The following GIP variants were observed in gnomAD, a reference collection of about 807,000 sequenced individuals.
GIP encodes the protein gastric inhibitory polypeptide, also known as glucose-dependent insulinotropic polypeptide.
Under a neutral mutation model 18.1 loss-of-function variants are expected in GIP, and 16 were observed. The ratio of observed to expected loss-of-function variants is 0.88; its 90% CI spans 0.60 to 1.34. GIP has a LOEUF of 1.34. Ranked by LOEUF, GIP falls within the 40% of genes most tolerant of loss-of-function variation. The pLI, the probability that GIP is intolerant of heterozygous loss-of-function variation, is 0.00. For missense variants in GIP, 192 were observed against 183.4 expected (o/e 1.05, Z -0.27); for synonymous variants, 76 against 74.0 (o/e 1.03, Z -0.14).
chr17:48,966,118 C>T (rs542688708), intron 2 of GIP, among the ~76,000 whole-genome samples: 4 of 151,772 alleles, frequency 2.6e-5, no homozygotes, highest in Admixed American at 2.6e-4. Context: ...GTTAGCCGGG[C>T]GTGGTGGCAG....
At position 48,964,444 on chromosome 17, in the gene GIP, C is replaced by A. The variant is rs368922258; in HGVS notation, c.123G>T (p.Lys41Asn). The A allele has an allele frequency of 1.9e-6, 3 of 1,613,958 alleles. No homozygotes were observed. In the African/African-American group the frequency reaches 4.0e-5, roughly 22 times the overall value. The change falls in exon 3 of 6, where the codon AAG (lysine) becomes AAT (asparagine). Residue 41 changes from lysine to asparagine, a missense_variant. By Grantham distance (94) the Lys-to-Asn change is moderately conservative (BLOSUM62 0). Coordinates refer to ENST00000357424, the MANE Select transcript of GIP (RefSeq NM_004123.3). ...LPSLPVGSHA[K>N]VSSPQPRGPR... is the part of the protein sequence containing the mutation. ...GGCCTCGAGGTTGAGGGCTGCTCAC[C>A]TTAGCATGAGATCCAACAGGCAGGG...
chr17:48,959,105 C>T (rs1341617984), intron 5 of GIP, among the ~76,000 whole-genome samples: 8 of 151,998 alleles, frequency 5.3e-5, no homozygotes, highest in Non-Finnish European at 1.0e-4. Flanking sequence ...CCACCCTCCT[C>T]GGCCTCCCAA....
intron 2 of GIP, among the ~76,000 whole-genome samples, chr17:48,966,553 TC>T (rs1192764610): frequency 9.5e-5 from 12 of 126,060 alleles, no homozygotes; most frequent in Admixed American, 3.4e-4. Flanking sequence ...CGAGACTCCA[TC>T]CCCCCCCAAA....
chr17:48,962,247 T>G (rs1219713697), intron 3 of GIP, among the ~76,000 whole-genome samples: 1 of 151,852 alleles, frequency 6.6e-6, no homozygotes, highest in African/African-American at 2.4e-5. Context: ...TTTTTGTACT[T>G]TTTGTTTGCC....
At position 48,964,370 on chromosome 17, in the gene GIP, T is replaced by C. The variant is rs1015033417; in HGVS notation, c.197A>G (p.Asp66Gly). 6.2e-7 allele frequency: 1 copy of C among 1,613,706 alleles called. No individual in the cohort carries two copies. Among genetic ancestry groups the C allele is most frequent in the African/African-American group, 1.3e-5 (1 of 74,862 alleles). ...CACAAAGTCTTGTTGGTGAATCTTG[T>C]CCATGGCAATACTGTAGTCACTGAT... ...TFISDYSIAM[D>G]KIHQQDFVNW... Residue 66 changes from aspartate to glycine, a missense_variant, in exon 3 of 6, where the codon GAC becomes GGC. Asp to Gly is a moderately conservative substitution (Grantham distance 94). Transcript: ENST00000357424.
intron 5 of GIP, 132 bp downstream of exon 5, chr17:48,960,754 C>T: frequency 1.5e-6 from 1 of 678,906 alleles, no homozygotes; most frequent in Non-Finnish European, 2.7e-6. Context: ...TTCTATACCT[C>T]TGATTTTAGT....
chr17:48,967,740 G>C (rs1161451151), intron 1 of GIP, among the ~76,000 whole-genome samples: 1 of 151,626 alleles, frequency 6.6e-6, no homozygotes, highest in Non-Finnish European at 1.5e-5. Context: ...TGACTAGAAG[G>C]GACATGGAAT....
chr17:48,965,454 A>T (rs926836449), intron 2 of GIP, among the ~76,000 whole-genome samples: 17 of 149,432 alleles, frequency 1.1e-4, no homozygotes. Flanking sequence ...AATACAAAAA[A>T]ATTAGCCAGG....
chr17:48,967,086 C>T (rs2143854243), intron 2 of GIP, 61 bp downstream of exon 2: 10 of 1,273,878 alleles, frequency 7.9e-6, no homozygotes, highest in Non-Finnish European at 1.1e-5. Context: ...AGAAACAAAT[C>T]CAGAACCTGT....
Position 48,963,995 on chromosome 17 carries a change from C to CAA in GIP, c.257+313_257+314dup, listed in dbSNP as rs10718451. Among the ~76,000 whole-genome samples, 39 of 132,598 alleles carry CAA rather than the reference C, an allele frequency of 2.9e-4. 1 individual carries two copies. In the South Asian group the frequency reaches 4.6e-3, roughly 16 times the overall value. The allele number at this position is 132,598 out of a possible 152,430, so 87.0% of individuals were successfully genotyped here. On this transcript the variant is annotated intron_variant, in intron 3 of 5. Coordinates refer to ENST00000357424, the MANE Select transcript of GIP (RefSeq NM_004123.3). Reference sequence around the variant, plus strand: ...TGAAACCCCGTATCTACTGAAAATACAAAAAAAAAAAAAAATTAGCCGGGC... The same window carrying CAA: ...TGAAACCCCGTATCTACTGAAAATACAAAAAAAAAAAAAAAAATTAGCCGGGC...
chr17:48,963,159 G>GCCTA (rs1440201989), intron 3 of GIP, among the ~76,000 whole-genome samples: 1 of 151,930 alleles, frequency 6.6e-6, no homozygotes, highest in Non-Finnish European at 1.5e-5. Flanking sequence ...CCTACCCCTA[G>GCCTA]CCTAGACTGG....
intron 5 of GIP, among the ~76,000 whole-genome samples, chr17:48,959,721 G>A (rs531588095): frequency 3.0e-4 from 46 of 152,240 alleles, no homozygotes; most frequent in African/African-American, 1.1e-3. Context: ...AGGGTACAGA[G>A]GGAAAGCTGA....
chr17:48,963,351 G>A (rs944447739), intron 3 of GIP, among the ~76,000 whole-genome samples: 7 of 151,696 alleles, frequency 4.6e-5, no homozygotes, highest in Admixed American at 6.6e-5. Context: ...ATGGAACCCC[G>A]TCTCTACTAA....
chr17:48,961,366 G>A (rs558618660), intron 4 of GIP, among the ~76,000 whole-genome samples: 1 of 152,126 alleles, frequency 6.6e-6, no homozygotes, highest in Non-Finnish European at 1.5e-5. Flanking sequence ...AAGATCCCCC[G>A]CTCTTTCACA....
At chr17:48,967,340 A>T in intron 1 of GIP, 87 bp from the exon 2 acceptor site, 1 of 793,588 alleles carries the variant, frequency 1.3e-6, no homozygotes, top group Non-Finnish European at 2.1e-6. Context: ...TGAGGTTTGG[A>T]CCCTTTCTTT....
At chr17:48,961,561 C>CT (rs2143846590) in intron 4 of GIP, among the ~76,000 whole-genome samples, 166 bp downstream of exon 4, 1 of 152,270 alleles carries the variant, frequency 6.6e-6, no homozygotes, top group Non-Finnish European at 1.5e-5. Flanking sequence ...TAAGCTTGGG[C>CT]TGACCTCCAG....
Position 48,967,164 on chromosome 17 carries a change from C to G in GIP, c.69G>C (p.Lys23Asn), listed in dbSNP as rs763582446. The G allele has an allele frequency of 8.1e-6, 13 of 1,613,198 alleles. No individual in the cohort carries two copies. The highest frequency in any genetic ancestry group is 8.5e-7 in the Non-Finnish European group (1 of 1,179,356). ...SLFLAVGLGEKKEGHFSALPS... is the reference protein window; with the variant it reads ...SLFLAVGLGENKEGHFSALPS... ...ACTCCTACCTGAAGTGACCCTCTTT[C>G]TTCTCTCCTAGTCCCACTGCCAGGA... Residue 23 changes from lysine (K) to asparagine (N), a missense_variant, in exon 2 of 6, where the codon AAG (lysine) becomes AAC (asparagine). Lys to Asn is a moderately conservative substitution (Grantham distance 94). Coordinates refer to ENST00000357424, the MANE Select transcript of GIP (RefSeq NM_004123.3).
chr17:48,964,324 CT>C lies in GIP; in HGVS notation c.242del (p.Lys81ArgfsTer53). ...QDFVNWLLAQ[K>X]GKKNDWKHNI... The stretch of plus-strand genomic sequence containing the variant: ...CAGCGACTCACTCATTCTTCTTCCC[CT>C]TTTGGGCCAGCAGCCAGTTCACAAA... On this transcript the variant is annotated frameshift_variant, in exon 3 of 6. Coordinates refer to ENST00000357424, the MANE Select transcript of GIP (RefSeq NM_004123.3). LOFTEE classifies it high-confidence loss of function. 1.2e-6 allele frequency: 2 copies of C among 1,613,742 alleles called. No individual in the cohort carries two copies. The highest frequency in any genetic ancestry group is 1.7e-6 in the Non-Finnish European group (2 of 1,179,732).
At chr17:48,963,806 A>C (rs1341396348) in intron 3 of GIP, among the ~76,000 whole-genome samples, 3 of 125,288 alleles carry the variant, frequency 2.4e-5, no homozygotes, top group African/African-American at 9.2e-5. Flanking sequence ...GCGCCATTGC[A>C]CTCCAGCCTG....
Sources: allele counts gnomAD v4.1 joint callset (sites outside exome capture counted in the v4.1 genomes callset), GRCh38; gene constraint gnomAD v4.1.1; transcripts MANE v1.5; gene names NCBI Gene and HGNC (gene_info 2026-07-23, HGNC 2026-07-21).